TSC22D1: variants seen among roughly 807,000 people sequenced by gnomAD.
The protein encoded by TSC22D1 is TSC22 domain family protein 1.
A neutral mutation model predicts 74.2 loss-of-function variants in TSC22D1; 9 were observed. The ratio of observed to expected loss-of-function variants is 0.12; its 90% CI spans 0.07 to 0.21. The LOEUF (loss-of-function observed/expected upper bound fraction) is 0.21. TSC22D1 is among the 10% of genes least tolerant of loss of function. The pLI is 1.00. For missense variants in TSC22D1, 1,427 were observed against 1,304.7 expected (o/e 1.09, Z -1.44); for synonymous variants, 586 against 492.5 (o/e 1.19, Z -2.51).
intron 1 of TSC22D1, chr13:44,437,312 G>C (rs1268347313): frequency 2.1e-6 from 2 of 958,336 alleles, no homozygotes; most frequent in African/African-American, 3.5e-5. Flanking sequence ...CGAGTGTCTT[G>C]ATTTCAATTA....
intron 1 of TSC22D1, chr13:44,539,328 C>G (rs1158050953): frequency 1.0e-6 from 1 of 985,184 alleles, no homozygotes; most frequent in East Asian, 1.1e-4. Context: ...AGGAAGAAGA[C>G]CAAAAGGTTC....
rs924334644 is a variant in TSC22D1, at chr13:44,573,911, C to T, written c.2164G>A (p.Ala722Thr). 6.2e-7 allele frequency: 1 copy of T among 1,614,162 alleles called. No homozygotes were observed. ...PVGQAPAAVSAVPTGSQIANI... is the reference protein window; with the variant it reads ...PVGQAPAAVSTVPTGSQIANI... ...GCAATCTGACTGCCAGTAGGTACAG[C>T]AGACACTGCTGCCGGAGCCTGGCCA... The change falls in exon 1 of 3, where the codon GCT (alanine) becomes ACT (threonine). Residue 722 changes from alanine to threonine, a missense_variant. This residue lies in a region of TSC22D1 where 1,343 missense variants were observed against 1,191.5 expected (regional missense o/e 1.13). Transcript: ENST00000458659.
chr13:44,551,917 A>G (rs1353285638), intron 1 of TSC22D1, among the ~76,000 whole-genome samples: 2 of 152,158 alleles, frequency 1.3e-5, no homozygotes, highest in African/African-American at 4.8e-5. Context: ...TTAAAAGTAA[A>G]AAAACAAAAA....
At chr13:44,525,088 C>T (rs9533891) in intron 1 of TSC22D1, among the ~76,000 whole-genome samples, 28,457 of 152,096 alleles carry the variant, frequency 0.19, 3,304 homozygotes, top group African/African-American at 0.33. Flanking sequence ...CTAGGGTTCT[C>T]TCTCTAGCTT....
chr13:44,541,366 T>C (rs1385152479), intron 1 of TSC22D1, among the ~76,000 whole-genome samples: 2 of 152,158 alleles, frequency 1.3e-5, no homozygotes, highest in Non-Finnish European at 2.9e-5. Flanking sequence ...TCCAATTCTG[T>C]ACAAATGAGA....
chr13:44,474,881 C>CT (rs1162053175), intron 1 of TSC22D1, among the ~76,000 whole-genome samples: 1 of 152,094 alleles, frequency 6.6e-6, no homozygotes, highest in Non-Finnish European at 1.5e-5. Flanking sequence ...TATCTGACAA[C>CT]TTTTTCATTC....
At chr13:44,484,515 C>T (rs575891719) in intron 1 of TSC22D1, among the ~76,000 whole-genome samples, 9 of 152,144 alleles carry the variant, frequency 5.9e-5, no homozygotes, top group East Asian at 5.8e-4. Context: ...AGTCTGGAAG[C>T]GGAAAAATGC....
chr13:44,453,155 T>G (rs937531720), intron 1 of TSC22D1, among the ~76,000 whole-genome samples: 1 of 152,262 alleles, frequency 6.6e-6, no homozygotes, highest in African/African-American at 2.4e-5. Context: ...AAGATACCAG[T>G]GTCTCCCTTT....
rs944184991 is a variant in TSC22D1 at position 44,436,113 on chromosome 13, A to G, written c.2913-18T>C. 5.6e-6 allele frequency: 9 copies of G among 1,608,488 alleles called. No homozygotes were observed. The highest frequency in any genetic ancestry group is 7.6e-6 in the Non-Finnish European group (9 of 1,178,430). ...CAGAGGAGCTGAAAAAGAGGAGGGAAAAAGGTCATCGATAAATGGAATTTA... is the reference window on the plus strand; with the variant it reads ...CAGAGGAGCTGAAAAAGAGGAGGGAGAAAGGTCATCGATAAATGGAATTTA... On this transcript the variant is annotated intron_variant, in intron 1 of 2. Transcript: ENST00000458659.
At chr13:44,570,067 C>G (rs1204974944) in intron 1 of TSC22D1, among the ~76,000 whole-genome samples, 1 of 152,130 alleles carries the variant, frequency 6.6e-6, no homozygotes, top group Non-Finnish European at 1.5e-5. Flanking sequence ...GAAGTTTGAC[C>G]CATTTCACGT....
intron 1 of TSC22D1, among the ~76,000 whole-genome samples, chr13:44,459,719 G>A (rs1022261281): frequency 2.6e-5 from 4 of 152,282 alleles, no homozygotes; most frequent in Middle Eastern, 6.8e-3. Context: ...GCTTCCAGGC[G>A]CCACTGCACT....
At chr13:44,552,939 G>A (rs1355087302) in intron 1 of TSC22D1, among the ~76,000 whole-genome samples, 2 of 152,170 alleles carry the variant, frequency 1.3e-5, no homozygotes, top group Non-Finnish European at 2.9e-5. Flanking sequence ...AGTGAGCCGC[G>A]ATCGTGCCAC....
intron 1 of TSC22D1, among the ~76,000 whole-genome samples, chr13:44,551,391 T>TGGGTGTGTGTGG (rs775177585): frequency 1.9e-5 from 1 of 51,470 alleles, no homozygotes; most frequent in South Asian, 6.7e-4. Flanking sequence ...ATCAGATGGG[T>TGGGTGTGTGTGG]GTGTGTGTGT....
chr13:44,476,678 ATTTTCT>A (rs1470792698), intron 1 of TSC22D1, among the ~76,000 whole-genome samples: 2 of 152,012 alleles, frequency 1.3e-5, no homozygotes, highest in Admixed American at 6.6e-5. Context: ...TTCTTTTTAT[ATTTTCT>A]TTTTCTTTTA....
intron 1 of TSC22D1, among the ~76,000 whole-genome samples, chr13:44,456,089 T>C (rs930081032): frequency 6.6e-6 from 1 of 152,132 alleles, no homozygotes. Flanking sequence ...TTCCTTCCCG[T>C]GGGTTGTTGG....
rs558695941 is a variant in TSC22D1, at chr13:44,517,767, A to G, written c.2912+55396T>C. Among the ~76,000 whole-genome samples the G allele has an allele frequency of 2.3e-4, 32 of 137,960 alleles. 1 individual carries two copies. The Middle Eastern group carries it at 0.011, about 49-fold the overall frequency. 90.5% of individuals were successfully genotyped at this position (137,960 alleles called of 152,430 possible). ...TATACGTATATATGTGTGTGTGTATATATATATATACACATATATATACAT... is the reference window on the plus strand; with the variant it reads ...TATACGTATATATGTGTGTGTGTATGTATATATATACACATATATATACAT... On this transcript the variant is annotated intron_variant, in intron 1 of 2. Coordinates refer to ENST00000458659, the MANE Select transcript of TSC22D1 (RefSeq NM_183422.4).
intron 1 of TSC22D1, among the ~76,000 whole-genome samples, chr13:44,523,889 T>C (rs113363584): frequency 0.023 from 3,561 of 152,052 alleles, 119 homozygotes; most frequent in African/African-American, 0.076. Flanking sequence ...AATGAGCTAA[T>C]AGAGAAAAAC....
chr13:44,475,925 G>T (rs1378234386), intron 1 of TSC22D1, among the ~76,000 whole-genome samples: 3 of 152,138 alleles, frequency 2.0e-5, no homozygotes, highest in Admixed American at 6.5e-5. Context: ...CCCAACAAAA[G>T]TGGCAGTCTC....
chr13:44,451,241 C>T (rs1436515071), intron 1 of TSC22D1, among the ~76,000 whole-genome samples: 1 of 152,202 alleles, frequency 6.6e-6, no homozygotes, highest in Non-Finnish European at 1.5e-5. Flanking sequence ...CAGCTGCAAC[C>T]GTGACAGAAG....
Sources: gnomAD v4.1 joint callset for allele counts (sites outside exome capture counted in the v4.1 genomes callset) on GRCh38, gnomAD v4.1.1 for gene constraint, gnomAD v4.1.1 regional missense constraint, MANE v1.5 for transcripts, NCBI Gene and HGNC (gene_info 2026-07-23, HGNC 2026-07-21) for gene names.